Variants in HCRTR1 observed in about 807,000 individuals in gnomAD.
The protein encoded by HCRTR1 is orexin/Hypocretin receptor type 1.
Under a neutral mutation model 40.6 loss-of-function variants are expected in HCRTR1, and 28 were observed. The observed-to-expected ratio is 0.69, with a 90% CI of 0.51 to 0.95. The LOEUF (loss-of-function observed/expected upper bound fraction) is 0.95. Ranked by LOEUF, HCRTR1 falls within the 40% of genes least tolerant of loss-of-function variation. The probability of loss-of-function intolerance (pLI) is 0.00; values close to 1 mark genes in which losing one functional copy is unlikely to be tolerated. For synonymous variants in HCRTR1, 209 were observed against 230.0 expected, an observed-to-expected ratio of 0.91 and a Z score of 0.83; for missense variants, 482 against 564.7, an observed-to-expected ratio of 0.85 and a Z score of 1.48.
chr1:31,633,909 C>T (rs1640185207), downstream of HCRTR1, among the ~76,000 whole-genome samples: 1 of 151,110 alleles, frequency 6.6e-6, no homozygotes, highest in Non-Finnish European at 1.5e-5. Flanking sequence ...GAGCCAAGAT[C>T]ACGCCATTGC....
rs1484625145 is a variant in HCRTR1 at position 31,626,481 on chromosome 1, A to G, written c.1088-309A>G. On this transcript the variant is annotated intron_variant, in intron 8 of 8. Transcript: ENST00000403528. This position sits in a 1 kb window ranked among gnomAD's most constrained non-coding sequence, Gnocchi z 4.6. ...AGATAGTGACCCCCACGTACACACC[A>G]AGGAGAGCAGAGGTGACCTGAGGCC... Among the ~76,000 whole-genome samples the G allele has an allele frequency of 6.6e-6, 1 of 152,150 alleles. No homozygotes were observed. The highest frequency in any genetic ancestry group is 2.4e-5 in the African/African-American group (1 of 41,440).
downstream of HCRTR1, among the ~76,000 whole-genome samples, chr1:31,633,703 C>T (rs1252308032): frequency 6.6e-6 from 1 of 152,126 alleles, no homozygotes; most frequent in Non-Finnish European, 1.5e-5. Flanking sequence ...CGACTGTAAT[C>T]CCAGCACTTT....
Position 31,625,075 on chromosome 1 carries a change from C to A in HCRTR1, c.1044C>A (p.Tyr348Ter). The change falls in exon 8 of 9, where the codon TAC becomes TAA. Residue 348 changes from tyrosine to a stop codon, truncating the protein, a stop_gained. Coordinates refer to ENST00000403528, the MANE Select transcript of HCRTR1 (RefSeq NM_001525.3). LOFTEE classifies it high-confidence loss of function. The surrounding 1 kb of genome is among the most constrained non-coding windows in gnomAD (Gnocchi z 4.2). ...TCACCTTCTCCCACTGGCTGGTGTA[C>A]GCCAACAGCGCTGCCAACCCCATCA... ...ACFTFSHWLV[Y>*]ANSAANPIIY... 1 of 1,612,578 alleles carries A rather than the reference C, an allele frequency of 6.2e-7. No homozygotes were observed. The highest frequency in any genetic ancestry group is 1.1e-5 in the South Asian group (1 of 90,790).
chr1:31,626,687 CT>C lies in HCRTR1; in HGVS notation c.1088-102del. Reference sequence around the variant, plus strand: ...CTATCCCTCCCTCCCTCCCCGCCCCCTCATAGGCAGCTTGGCTGGAGCTGCG... The same window carrying C: ...CTATCCCTCCCTCCCTCCCCGCCCCCCATAGGCAGCTTGGCTGGAGCTGCG... On this transcript the variant is annotated intron_variant, in intron 8 of 8. Transcript: ENST00000403528. The surrounding 1 kb of genome is among the most constrained non-coding windows in gnomAD (Gnocchi z 4.6). 3 of 1,409,816 alleles carry C rather than the reference CT, an allele frequency of 2.1e-6. No homozygotes were observed. The highest frequency in any genetic ancestry group is 2.5e-5 in the East Asian group (1 of 40,052). 87.3% of individuals were successfully genotyped at this position (1,409,816 alleles called of 1,614,324 possible).
chr1:31,617,996 C>A (rs1179756484), intron 1 of HCRTR1, 115 bp downstream of exon 1: 1 of 152,516 alleles, frequency 6.6e-6, no homozygotes, highest in Non-Finnish European at 1.5e-5. Flanking sequence ...AGACTGGCTC[C>A]TCGGCCAGCG....
At chr1:31,633,942 C>T (rs1208404154), downstream of HCRTR1, among the ~76,000 whole-genome samples, 10 of 147,394 alleles carry the variant, frequency 6.8e-5, no homozygotes, top group Non-Finnish European at 1.5e-4. Context: ...GCAACAAAAG[C>T]GAAACTCCAT....
downstream of HCRTR1, among the ~76,000 whole-genome samples, chr1:31,627,777 C>T (rs751649868): frequency 6.6e-6 from 1 of 152,182 alleles, no homozygotes; most frequent in African/African-American, 2.4e-5. Flanking sequence ...AGCCAGGCCT[C>T]GGCACACGTG....
At position 31,621,474 on chromosome 1, in the gene HCRTR1, C is replaced by T; in HGVS notation, c.623-3C>T. The T allele has an allele frequency of 1.9e-6, 3 of 1,604,376 alleles. No homozygotes were observed. The highest frequency in any genetic ancestry group is 2.6e-6 in the Non-Finnish European group (3 of 1,171,336). ...CTGACTCTGCATCTCTTGACCCCTG[C>T]AGATGACCTCTATCCCAAGATCTAC... On this transcript the variant is annotated splice_polypyrimidine_tract_variant and splice_region_variant and intron_variant, in intron 5 of 8. Coordinates refer to ENST00000403528, the MANE Select transcript of HCRTR1 (RefSeq NM_001525.3).
chr1:31,623,759 C>G lies in HCRTR1; in HGVS notation c.965+10C>G, dbSNP rs547684510. 1 of 1,606,272 alleles carries G rather than the reference C, an allele frequency of 6.2e-7. No homozygotes were observed. The highest frequency in any genetic ancestry group is 8.5e-7 in the Non-Finnish European group (1 of 1,173,952). ...TCAATGTCCTTAAGAGGTGAGAGCA[C>G]GGGGTATGGTTGGGGTGGGGAGAAG... On this transcript the variant is annotated intron_variant, in intron 7 of 8. Transcript: ENST00000403528.
chr1:31,624,876 G>A (rs1475729481), intron 7 of HCRTR1, 121 bp from the exon 8 acceptor site: 39 of 1,095,090 alleles, frequency 3.6e-5, no homozygotes, highest in East Asian at 8.4e-5. Flanking sequence ...GCCAGGAAAC[G>A]TGGACAGAAG....
chr1:31,632,545 TG>T, downstream of HCRTR1: 1 of 1,614,266 alleles, frequency 6.2e-7, no homozygotes, highest in Non-Finnish European at 8.5e-7. Flanking sequence ...CCGGTCATAC[TG>T]CTGGAAGAGG....
rs199553543 is a variant in HCRTR1 at position 31,623,563 on chromosome 1, G to A, written c.779G>A (p.Arg260His). 18 of 1,613,348 alleles carry A rather than the reference G, an allele frequency of 1.1e-5. No individual in the cohort carries two copies. Among genetic ancestry groups the A allele is most frequent in the Middle Eastern group, 1.6e-4 (1 of 6,082 alleles). ...TTSALVRNWK[R>H]PSDQLGDLEQ... ...TCAGCACTGGTGCGGAACTGGAAGCGCCCCTCAGACCAGCTGGGGGACCTG... is the reference window on the plus strand; with the variant it reads ...TCAGCACTGGTGCGGAACTGGAAGCACCCCTCAGACCAGCTGGGGGACCTG... The change falls in exon 7 of 9, where the codon CGC (arginine) becomes CAC (histidine). Residue 260 changes from arginine to histidine, a missense_variant. Transcript: ENST00000403528.
At chr1:31,630,831 T>C, downstream of HCRTR1, 2 of 1,609,140 alleles carry the variant, frequency 1.2e-6, no homozygotes, top group Non-Finnish European at 1.7e-6. Context: ...TTGTAGCCCA[T>C]TTGGGACAGA....
downstream of HCRTR1, among the ~76,000 whole-genome samples, chr1:31,632,837 C>T (rs890462578): frequency 3.3e-5 from 5 of 152,218 alleles, no homozygotes; most frequent in Non-Finnish European, 7.3e-5. Context: ...ACACCTTTAG[C>T]CCCACCCCAT....
chr1:31,620,133 A>G (rs1332946127), intron 4 of HCRTR1, among the ~76,000 whole-genome samples: 1 of 152,098 alleles, frequency 6.6e-6, no homozygotes. Context: ...GCCAGGAAAG[A>G]CCCCAGTGGT....
At chr1:31,633,952 T>C (rs1432530030), downstream of HCRTR1, among the ~76,000 whole-genome samples, 1 of 146,538 alleles carries the variant, frequency 6.8e-6, no homozygotes, top group Non-Finnish European at 1.5e-5. Context: ...CGAAACTCCA[T>C]CTCAAAAAAA....
chr1:31,633,635 C>A (rs1015229711), downstream of HCRTR1, among the ~76,000 whole-genome samples: 3 of 152,044 alleles, frequency 2.0e-5, no homozygotes, highest in Non-Finnish European at 2.9e-5. Flanking sequence ...AGGTAAACTG[C>A]GAGATGGGGG....
chr1:31,618,430 G>A (rs1469793647), intron 1 of HCRTR1, among the ~76,000 whole-genome samples: 4 of 152,156 alleles, frequency 2.6e-5, no homozygotes, highest in Non-Finnish European at 5.9e-5. Flanking sequence ...CCCCCACTGT[G>A]TGTGTGTTGT....
At chr1:31,622,841 C>T (rs948528523) in intron 6 of HCRTR1, among the ~76,000 whole-genome samples, 93 of 152,280 alleles carry the variant, frequency 6.1e-4, no homozygotes, top group African/African-American at 2.2e-3. Context: ...GGAGGCACAA[C>T]TCACCCCCAC....
Sources: allele counts gnomAD v4.1 joint callset (sites outside exome capture counted in the v4.1 genomes callset), GRCh38; gene constraint gnomAD v4.1.1; non-coding constraint Gnocchi (gnomAD v3.1); transcripts MANE v1.5; gene names NCBI Gene and HGNC (gene_info 2026-07-23, HGNC 2026-07-21).